CCDC141: variants seen among roughly 807,000 people sequenced by gnomAD.
The protein encoded by CCDC141 is coiled-coil domain-containing protein 141.
A neutral mutation model predicts 181.0 loss-of-function variants in CCDC141; 168 were observed. That is an observed-to-expected ratio of 0.93 (90% CI 0.82 to 1.05). The LOEUF (loss-of-function observed/expected upper bound fraction) is 1.05. Ranked by LOEUF, CCDC141 falls within the 50% of genes least tolerant of loss-of-function variation. The probability of loss-of-function intolerance (pLI) is 0.00; values close to 1 mark genes in which losing one functional copy is unlikely to be tolerated. For missense variants in CCDC141, 1,902 were observed against 1,788.5 expected (o/e 1.06, Z -1.14); for synonymous variants, 666 against 642.3 (o/e 1.04, Z -0.56).
At chr2:178,818,196 C>A in the CCDC141 span, among the ~76,000 whole-genome samples, 111 of 152,204 alleles carry the variant, frequency 7.3e-4, no homozygotes, top group African/African-American at 2.6e-3. Context: ...CTCCTAATGT[C>A]TAGCAATGAT....
intron 22 of CCDC141, 105 bp downstream of exon 22, chr2:178,845,521 T>C (rs1684897141): frequency 1.5e-6 from 1 of 689,648 alleles, no homozygotes; most frequent in South Asian, 1.7e-5. Flanking sequence ...GAAATTCTAT[T>C]TGGATAGATA....
chr2:178,941,655 C>G (rs926226496), intron 6 of CCDC141, among the ~76,000 whole-genome samples: 1 of 151,818 alleles, frequency 6.6e-6, no homozygotes, highest in Admixed American at 6.6e-5. Flanking sequence ...GAACCTCCCC[C>G]TTTAGAAAAT....
In CCDC141 at chr2:179,015,226, TAC is replaced by T. The variant is rs372532079; in HGVS notation, c.225+32056_225+32057del. The stretch of plus-strand genomic sequence containing the variant: ...TCATATATATCATATATCTCATATA[TAC>T]CTCATATATATATCTCATATATATC... On this transcript the variant is annotated intron_variant, in intron 2 of 23. Coordinates refer to ENST00000443758, the MANE Select transcript of CCDC141 (RefSeq NM_173648.4). Among the ~76,000 whole-genome samples the T allele has an allele frequency of 6.0e-3, 364 of 61,112 alleles. 6 individuals are homozygous for T. Among genetic ancestry groups the T allele is most frequent in the East Asian group, 0.027 (51 of 1,904 alleles). The allele number at this position is 61,112 out of a possible 152,430, so 40.1% of individuals were successfully genotyped here. A position where few individuals can be genotyped will look rare whatever the true frequency, so the allele number is the denominator to read the frequency against.
At position 178,904,015 on chromosome 2, in the gene CCDC141, T is replaced by C. The variant is rs75917198; in HGVS notation, c.1265+1314A>G. 5.8e-3 allele frequency among the ~76,000 whole-genome samples: 890 copies of C among 152,232 alleles called. 8 individuals are homozygous for C. The highest frequency in any genetic ancestry group is 9.5e-3 in the Non-Finnish European group (643 of 67,996). On this transcript the variant is annotated intron_variant, in intron 8 of 23. Transcript: ENST00000443758. ...TAAGTGTCTCTTCTACCCCATAGGA[T>C]CTTTTCTGTATTGTTCAAGACATTT...
At chr2:178,913,969 T>C (rs1472635267) in intron 7 of CCDC141, among the ~76,000 whole-genome samples, 2 of 152,208 alleles carry the variant, frequency 1.3e-5, no homozygotes, top group East Asian at 3.8e-4. Flanking sequence ...CCTCATTCTG[T>C]TTTTGAAACA....
the CCDC141 span, among the ~76,000 whole-genome samples, chr2:178,815,619 A>G: frequency 7.2e-5 from 11 of 152,182 alleles, no homozygotes; most frequent in Non-Finnish European, 1.5e-4. Context: ...CCCCCAGCGG[A>G]TATCAAAATA....
intron 9 of CCDC141, among the ~76,000 whole-genome samples, chr2:178,887,587 G>A (rs1686948039): frequency 6.6e-6 from 1 of 152,092 alleles, no homozygotes; most frequent in Non-Finnish European, 1.5e-5. Flanking sequence ...AATTAGCTTG[G>A]GTCTCAAGCT....
At position 178,834,168 on chromosome 2, in the gene CCDC141, C is replaced by A; in HGVS notation, c.*5G>T. On this transcript the variant is annotated 3_prime_UTR_variant, in exon 24 of 24. Coordinates refer to ENST00000443758, the MANE Select transcript of CCDC141 (RefSeq NM_173648.4). The stretch of plus-strand genomic sequence containing the variant: ...GAATGATGTCCATTGGTGCCAACAC[C>A]ACAGTTATTGTGTGAGGAGCCAGTA... 1.3e-6 allele frequency: 2 copies of A among 1,533,580 alleles called. No homozygotes were observed. 95.0% of individuals were successfully genotyped at this position (1,533,580 alleles called of 1,614,324 possible).
intron 2 of CCDC141, among the ~76,000 whole-genome samples, chr2:179,005,230 A>T (rs1268276979): frequency 6.6e-6 from 1 of 152,228 alleles, no homozygotes; most frequent in Non-Finnish European, 1.5e-5. Flanking sequence ...TGTAATGAAA[A>T]ATATGCAGGT....
At chr2:178,862,201 C>T (rs1487243799) in intron 17 of CCDC141, among the ~76,000 whole-genome samples, 1 of 152,156 alleles carries the variant, frequency 6.6e-6, no homozygotes, top group East Asian at 1.9e-4. Flanking sequence ...TATACTAAGT[C>T]CTTTTCTGCA....
At chr2:178,906,174 G>T (rs1687959897) in intron 7 of CCDC141, among the ~76,000 whole-genome samples, 1 of 152,124 alleles carries the variant, frequency 6.6e-6, no homozygotes, top group South Asian at 2.1e-4. Context: ...TGCAAACCAA[G>T]ATATTGTCTT....
intron 20 of CCDC141, among the ~76,000 whole-genome samples, chr2:178,851,993 G>T (rs181394368): frequency 3.9e-5 from 6 of 152,218 alleles, no homozygotes; most frequent in Admixed American, 3.3e-4. Flanking sequence ...CCAAACAGAC[G>T]GAGACTCATG....
intron 22 of CCDC141, among the ~76,000 whole-genome samples, chr2:178,840,391 T>A (rs1684672036): frequency 6.6e-6 from 1 of 152,252 alleles, no homozygotes. Context: ...AATAATGTTT[T>A]AGAATTGTCT....
chr2:179,008,545 A>C (rs1263265124), intron 2 of CCDC141, among the ~76,000 whole-genome samples: 1 of 152,154 alleles, frequency 6.6e-6, no homozygotes. Context: ...AAATTTTGGA[A>C]AATACAGATC....
rs891202336 is a variant in CCDC141 at position 178,868,026 on chromosome 2, A to G, written c.2574T>C (p.Pro858=). 1.3e-5 allele frequency: 21 copies of G among 1,603,608 alleles called. No homozygotes were observed. The African/African-American group carries it at 2.5e-4, about 19-fold the overall frequency. The part of the protein sequence containing the change: ...GVDIISSVQR[P]HCSNVSAKNL... ...AATGATAGTGTTATTAGATGCTTAC[A>G]GGCCGCTGCACTGATGAGATGATGT... is the stretch of plus-strand genomic sequence containing the variant. The change falls in exon 16 of 24, where the codon CCT becomes CCC. Residue 858 remains proline (P), a splice_region_variant and synonymous_variant. Coordinates refer to ENST00000443758, the MANE Select transcript of CCDC141 (RefSeq NM_173648.4).
chr2:179,050,071 C>A lies in CCDC141; in HGVS notation c.-130G>T. ...GCTCAGCTCACACTGATTACTCTGC[C>A]AAAAGGAAAGAACAGGAGGTTAAAA... is the stretch of plus-strand genomic sequence containing the variant. On this transcript the variant is annotated 5_prime_UTR_variant, in exon 1 of 24. Coordinates refer to ENST00000443758, the MANE Select transcript of CCDC141 (RefSeq NM_173648.4). 2.1e-6 allele frequency: 3 copies of A among 1,396,426 alleles called. No homozygotes were observed. Among genetic ancestry groups the A allele is most frequent in the Non-Finnish European group, 2.9e-6 (3 of 1,048,578 alleles). The allele number at this position is 1,396,426 out of a possible 1,614,324, so 86.5% of individuals were successfully genotyped here.
chr2:178,990,630 G>T (rs1434265789), intron 2 of CCDC141, among the ~76,000 whole-genome samples: 1 of 151,602 alleles, frequency 6.6e-6, no homozygotes, highest in African/African-American at 2.4e-5. Flanking sequence ...GAAGGGAATG[G>T]AAGGGAAGTG....
chr2:178,855,455 C>A lies in CCDC141; in HGVS notation c.2952G>T (p.Leu984Phe). 6.2e-7 allele frequency: 1 copy of A among 1,611,090 alleles called. No homozygotes were observed. The highest frequency in any genetic ancestry group is 1.3e-5 in the African/African-American group (1 of 74,916). ...NYPSDKVNVL[L>F]EVMKDLQKHV... ...GTTTTTGCAAATCCTTCATGACTTC[C>A]AAAAGGACATTAACTTTATCACTTG... The change falls in exon 19 of 24, where the codon TTG (leucine) becomes TTT (phenylalanine). Residue 984 changes from leucine (L) to phenylalanine (F), a missense_variant. By Grantham distance (22) the Leu-to-Phe change is conservative. Transcript: ENST00000443758.
intron 17 of CCDC141, among the ~76,000 whole-genome samples, chr2:178,863,502 A>T (rs1370266742): frequency 1.3e-5 from 2 of 152,230 alleles, no homozygotes; most frequent in African/African-American, 4.8e-5. Flanking sequence ...TAATGATAAC[A>T]ACGATAATAA....
Sources: allele counts gnomAD v4.1 joint callset (sites outside exome capture counted in the v4.1 genomes callset), GRCh38; gene constraint gnomAD v4.1.1; transcripts MANE v1.5; gene names NCBI Gene and HGNC (gene_info 2026-07-23, HGNC 2026-07-21).